The following INPP4B variants were observed in gnomAD, a reference collection of about 807,000 sequenced individuals.
The protein encoded by INPP4B is inositol polyphosphate-4-phosphatase type II B, also known as inositol polyphosphate 4-phosphatase type II.
Under a neutral mutation model 122.5 loss-of-function variants are expected in INPP4B, and 55 were observed. The ratio of observed to expected loss-of-function variants is 0.45; its 90% CI spans 0.36 to 0.56. The LOEUF is 0.56. Ranked by LOEUF, INPP4B falls within the 20% of genes least tolerant of loss-of-function variation. INPP4B has a pLI of 0.00. For missense variants in INPP4B, 1,000 were observed against 1,097.7 expected, an observed-to-expected ratio of 0.91 and a Z score of 1.26; for synonymous variants, 403 against 388.7, an observed-to-expected ratio of 1.04 and a Z score of -0.43.
chr4:142,489,552 C>T (rs1012595343), intron 2 of INPP4B, among the ~76,000 whole-genome samples: 7 of 152,082 alleles, frequency 4.6e-5, no homozygotes, highest in African/African-American at 1.2e-4. Context: ...TGCCACTACG[C>T]TCTGCTAATT....
At chr4:142,211,427 C>A (rs943410122) in intron 12 of INPP4B, among the ~76,000 whole-genome samples, 1 of 152,104 alleles carries the variant, frequency 6.6e-6, no homozygotes, top group Admixed American at 6.6e-5. Flanking sequence ...GGTCAAAAAA[C>A]CTCCTAGATT....
chr4:142,637,216 G>T (rs1580578213), intron 2 of INPP4B, among the ~76,000 whole-genome samples: 1 of 152,064 alleles, frequency 6.6e-6, no homozygotes, highest in African/African-American at 2.4e-5. Flanking sequence ...CCAGTCCATA[G>T]TTTACCTTAG....
chr4:142,786,943 C>T (rs887311576), intron 1 of INPP4B, among the ~76,000 whole-genome samples: 1 of 151,416 alleles, frequency 6.6e-6, no homozygotes, highest in African/African-American at 2.4e-5. Context: ...GATAGAATCC[C>T]GGAAAATAAA....
At chr4:142,818,461 T>TGTG (rs3080900) in intron 1 of INPP4B, among the ~76,000 whole-genome samples, 3 of 152,118 alleles carry the variant, frequency 2.0e-5, no homozygotes, top group African/African-American at 7.2e-5. Context: ...TGTGTGTGTG[T>TGTG]ATTTCCAGTT....
intron 7 of INPP4B, among the ~76,000 whole-genome samples, chr4:142,369,266 C>G (rs1221764374): frequency 6.6e-6 from 1 of 151,946 alleles, no homozygotes; most frequent in Non-Finnish European, 1.5e-5. Flanking sequence ...AGGCTTCATC[C>G]CCCCATATTT....
intron 2 of INPP4B, among the ~76,000 whole-genome samples, chr4:142,620,658 A>G (rs1744711237): frequency 6.6e-6 from 1 of 152,052 alleles, no homozygotes; most frequent in African/African-American, 2.4e-5. Context: ...AACTGAAATA[A>G]GAGTTAAAAA....
intron 6 of INPP4B, among the ~76,000 whole-genome samples, chr4:142,404,320 G>A (rs994206216): frequency 1.3e-5 from 2 of 152,128 alleles, no homozygotes; most frequent in African/African-American, 4.8e-5. Flanking sequence ...TCTGGGGCAG[G>A]CTAGTTAGGT....
chr4:142,659,460 T>C (rs1226123832), intron 2 of INPP4B, among the ~76,000 whole-genome samples: 1 of 152,062 alleles, frequency 6.6e-6, no homozygotes, highest in African/African-American at 2.4e-5. Context: ...AAAACTTATA[T>C]ATTGGTCACT....
chr4:142,352,961 C>T (rs1437770110), intron 7 of INPP4B, among the ~76,000 whole-genome samples: 1 of 151,824 alleles, frequency 6.6e-6, no homozygotes, highest in Non-Finnish European at 1.5e-5. Flanking sequence ...GTTTTTTCAG[C>T]TCACTACCCA....
intron 14 of INPP4B, among the ~76,000 whole-genome samples, chr4:142,206,922 T>C (rs1002135668): frequency 6.6e-6 from 1 of 152,134 alleles, no homozygotes; most frequent in Non-Finnish European, 1.5e-5. Flanking sequence ...TTTGCATAAC[T>C]GCGACTGTGT....
chr4:142,387,700 T>A (rs562460986), intron 7 of INPP4B, among the ~76,000 whole-genome samples: 6 of 152,250 alleles, frequency 3.9e-5, no homozygotes, highest in African/African-American at 1.2e-4. Flanking sequence ...ATGGTTTATA[T>A]CCTCTGTTAA....
At chr4:142,757,281 G>T (rs1217574415) in intron 1 of INPP4B, among the ~76,000 whole-genome samples, 1 of 152,022 alleles carries the variant, frequency 6.6e-6, no homozygotes, top group Non-Finnish European at 1.5e-5. Context: ...TATCTACAAT[G>T]ACACATCATT....
At chr4:142,312,056 C>T (rs1251935972) in intron 8 of INPP4B, among the ~76,000 whole-genome samples, 1 of 152,138 alleles carries the variant, frequency 6.6e-6, no homozygotes, top group Admixed American at 6.5e-5. Context: ...AGGGTACGTT[C>T]CTAATTGCAA....
chr4:142,262,013 C>A (rs975867687), intron 10 of INPP4B, among the ~76,000 whole-genome samples: 1 of 152,108 alleles, frequency 6.6e-6, no homozygotes, highest in Non-Finnish European at 1.5e-5. Flanking sequence ...TTCCTCTAAT[C>A]CACAGCAATT....
chr4:142,452,930 G>A (rs1312678266), intron 3 of INPP4B, among the ~76,000 whole-genome samples: 3 of 151,954 alleles, frequency 2.0e-5, no homozygotes, highest in African/African-American at 4.8e-5. Context: ...AATGGAACAC[G>A]AGCATTATAT....
intron 7 of INPP4B, among the ~76,000 whole-genome samples, chr4:142,382,528 T>C (rs1415606900): frequency 7.1e-6 from 1 of 141,640 alleles, no homozygotes; most frequent in Non-Finnish European, 1.5e-5. Flanking sequence ...AAAACATACA[T>C]ACACATATAC....
At chr4:142,597,948 GAC>G (rs1739073294) in intron 2 of INPP4B, among the ~76,000 whole-genome samples, 1 of 152,106 alleles carries the variant, frequency 6.6e-6, no homozygotes. Context: ...AAAAAATGAA[GAC>G]AGTCTTCCTG....
intron 18 of INPP4B, among the ~76,000 whole-genome samples, chr4:142,136,890 C>A (rs955605498): frequency 1.3e-5 from 2 of 152,028 alleles, no homozygotes; most frequent in Non-Finnish European, 2.9e-5. Flanking sequence ...TCATCCCTTA[C>A]AAAGAAATGG....
rs1157482435 is a variant in INPP4B at position 142,026,912 on chromosome 4, C to A, written c.*1870G>T. On this transcript the variant is annotated 3_prime_UTR_variant, in exon 26 of 26. Transcript: ENST00000262992. ...TAAGGTTTCTTAGAACTCAGACTAC[C>A]ATTTGATATGCTGAATGAGGCTTCA... 2.6e-5 allele frequency: 4 copies of A among 152,082 alleles called. No individual in the cohort carries two copies. The highest frequency in any genetic ancestry group is 5.9e-5 in the Non-Finnish European group (4 of 68,014). The allele number at this position is 152,082 out of a possible 1,614,324, so 9.4% of individuals were successfully genotyped here. A position where few individuals can be genotyped will look rare whatever the true frequency, so the allele number is the denominator to read the frequency against.
Sources: gnomAD v4.1 joint callset for allele counts (sites outside exome capture counted in the v4.1 genomes callset) on GRCh38, gnomAD v4.1.1 for gene constraint, MANE v1.5 for transcripts, NCBI Gene and HGNC (gene_info 2026-07-23, HGNC 2026-07-21) for gene names.